MAML3: variants seen among roughly 807,000 people sequenced by gnomAD.
The protein encoded by MAML3 is mastermind like transcriptional coactivator 3.
Under a neutral mutation model 101.9 loss-of-function variants are expected in MAML3, and 27 were observed. The observed-to-expected ratio is 0.27, with a 90% CI of 0.20 to 0.37. MAML3 has a LOEUF of 0.37. MAML3 is among the 10% of genes least tolerant of loss of function. The pLI is 1.00. For missense variants in MAML3, 1,316 were observed against 1,444.9 expected, an observed-to-expected ratio of 0.91 and a Z score of 1.45; for synonymous variants, 501 against 555.9, an observed-to-expected ratio of 0.90 and a Z score of 1.39.
chr4:140,145,075 A>C (rs1401890245), intron 1 of MAML3, among the ~76,000 whole-genome samples: 2 of 152,220 alleles, frequency 1.3e-5, no homozygotes, highest in Non-Finnish European at 2.9e-5. Context: ...GAATCTACAC[A>C]AATAGACTTA....
At chr4:140,117,216 T>C (rs1216408044) in intron 1 of MAML3, among the ~76,000 whole-genome samples, 3 of 152,194 alleles carry the variant, frequency 2.0e-5, no homozygotes, top group Non-Finnish European at 4.4e-5. Flanking sequence ...TTATTTACTA[T>C]AACCCAAAGC....
chr4:139,949,044 T>C (rs1268999770), intron 1 of MAML3, among the ~76,000 whole-genome samples: 1 of 151,764 alleles, frequency 6.6e-6, no homozygotes, highest in Non-Finnish European at 1.5e-5. Flanking sequence ...TGAGACAGAG[T>C]CTTGCTCTGT....
At chr4:139,830,695 T>C (rs1161310879) in intron 2 of MAML3, among the ~76,000 whole-genome samples, 2 of 152,100 alleles carry the variant, frequency 1.3e-5, no homozygotes, top group Non-Finnish European at 2.9e-5. Context: ...ATTACAGGCG[T>C]GAGCCACTGC....
intron 1 of MAML3, among the ~76,000 whole-genome samples, chr4:139,907,190 G>A (rs1732836783): frequency 6.6e-6 from 1 of 152,182 alleles, no homozygotes; most frequent in Admixed American, 6.5e-5. Context: ...GTGTTTTCCA[G>A]ATTTCAGCAA....
chr4:139,724,925 A>AT (rs539272826), intron 4 of MAML3, among the ~76,000 whole-genome samples: 108 of 151,934 alleles, frequency 7.1e-4, no homozygotes, highest in African/African-American at 2.0e-3. Context: ...CTCCTGGCTA[A>AT]TTTTTTGCAT....
intron 1 of MAML3, among the ~76,000 whole-genome samples, chr4:140,122,707 G>A (rs996091429): frequency 2.7e-5 from 4 of 150,272 alleles, no homozygotes; most frequent in African/African-American, 7.3e-5. Flanking sequence ...CAGGAGAATG[G>A]CGTGAACCCG....
Position 140,096,248 on chromosome 4 carries a change from T to C in MAML3, c.468+56612A>G, listed in dbSNP as rs116691666. On this transcript the variant is annotated intron_variant, in intron 1 of 4. Coordinates refer to ENST00000509479, the MANE Select transcript of MAML3 (RefSeq NM_018717.5). ...TTGATGGAGTTGAAGATGATGACGG[T>C]GACAATGACGTCAACCAGGACAGGA... Among the ~76,000 whole-genome samples the C allele has an allele frequency of 2.1e-3, 327 of 152,300 alleles. 2 individuals carry two copies. Among genetic ancestry groups the C allele is most frequent in the African/African-American group, 7.4e-3 (308 of 41,556 alleles).
At chr4:139,800,320 G>C (rs72948527) in intron 2 of MAML3, among the ~76,000 whole-genome samples, 92 of 152,312 alleles carry the variant, frequency 6.0e-4, no homozygotes, top group African/African-American at 2.1e-3. Context: ...AGAAGGCAGA[G>C]AGTGTTGCAC....
intron 1 of MAML3, among the ~76,000 whole-genome samples, chr4:139,915,899 T>G (rs1419317896): frequency 6.6e-6 from 1 of 152,096 alleles, no homozygotes; most frequent in Non-Finnish European, 1.5e-5. Flanking sequence ...CGAACCAAAT[T>G]TACTGCTACT....
In MAML3 at chr4:140,125,216, A is replaced by T. The variant is rs572670538; in HGVS notation, c.468+27644T>A. Among the ~76,000 whole-genome samples, 3 of 152,340 alleles carry T rather than the reference A, an allele frequency of 2.0e-5. No homozygotes were observed. In the South Asian group the frequency reaches 6.2e-4, roughly 32 times the overall value. ...TATATACTGAATAAAAGAACATTTT[A>T]AAATAAAAGCTACTCAAATGTGTAT... On this transcript the variant is annotated intron_variant, in intron 1 of 4. Transcript: ENST00000509479.
intron 1 of MAML3, among the ~76,000 whole-genome samples, chr4:140,029,433 C>T (rs1726874515): frequency 6.6e-6 from 1 of 152,156 alleles, no homozygotes; most frequent in South Asian, 2.1e-4. Flanking sequence ...TACATCCCCT[C>T]CTTCTTTTTG....
rs1363431805 is a variant in MAML3, at chr4:139,978,615, A to G, written c.469-87648T>C. 3.3e-5 allele frequency among the ~76,000 whole-genome samples: 5 copies of G among 151,158 alleles called. 1 individual carries two copies. The highest frequency in any genetic ancestry group is 3.3e-4 in the Admixed American group (5 of 15,142). ...ACTTCCCAGCATCAACCACATCAAA[A>G]AAAAAGAGAGAGAGAGAGAGCACAC... On this transcript the variant is annotated intron_variant, in intron 1 of 4. Coordinates refer to ENST00000509479, the MANE Select transcript of MAML3 (RefSeq NM_018717.5).
intron 1 of MAML3, chr4:140,133,202 T>C (rs569488118): frequency 2.7e-6 from 1 of 372,074 alleles, no homozygotes; most frequent in African/African-American, 2.1e-5. Flanking sequence ...AAAAGTCCTA[T>C]TTGTGTAACT....
intron 1 of MAML3, among the ~76,000 whole-genome samples, chr4:140,091,542 AC>A (rs780272420): frequency 0.11 from 14,036 of 128,896 alleles, 1,301 homozygotes; most frequent in East Asian, 0.2. Flanking sequence ...CAAAACAAAA[AC>A]AAAACAAAAA....
chr4:140,080,592 A>C (rs2110967505), intron 1 of MAML3, among the ~76,000 whole-genome samples: 1 of 152,318 alleles, frequency 6.6e-6, no homozygotes, highest in South Asian at 2.1e-4. Context: ...CACCATAGGA[A>C]GTTTGCAGAG....
At chr4:139,781,388 G>A (rs768029608) in intron 2 of MAML3, among the ~76,000 whole-genome samples, 1 of 151,918 alleles carries the variant, frequency 6.6e-6, no homozygotes, top group Non-Finnish European at 1.5e-5. Context: ...AAAGGTCGAG[G>A]TATGCTGTTT....
chr4:140,021,535 G>GT (rs1578646367), intron 1 of MAML3, among the ~76,000 whole-genome samples: 4 of 152,246 alleles, frequency 2.6e-5, no homozygotes, highest in Admixed American at 1.3e-4. Context: ...TTAGATCTAC[G>GT]TCTTGAAGCT....
intron 1 of MAML3, among the ~76,000 whole-genome samples, chr4:140,053,488 G>A (rs764846674): frequency 2.0e-5 from 3 of 152,178 alleles, no homozygotes; most frequent in Non-Finnish European, 2.9e-5. Context: ...GGGCCATCGG[G>A]CTTTGAGATA....
At chr4:139,834,051 T>C (rs1051432016) in intron 2 of MAML3, among the ~76,000 whole-genome samples, 1 of 152,128 alleles carries the variant, frequency 6.6e-6, no homozygotes, top group Non-Finnish European at 1.5e-5. Context: ...AACTTTATCC[T>C]AACAAAAACC....
Sources: allele counts gnomAD v4.1 joint callset (sites outside exome capture counted in the v4.1 genomes callset), GRCh38; gene constraint gnomAD v4.1.1; transcripts MANE v1.5; gene names NCBI Gene and HGNC (gene_info 2026-07-23, HGNC 2026-07-21).